The following ITGA8 variants were observed in gnomAD, a reference collection of about 807,000 sequenced individuals.
ITGA8 encodes integrin alpha-8.
Under a neutral mutation model 142.3 loss-of-function variants are expected in ITGA8, and 91 were observed. That is an observed-to-expected ratio of 0.64 (90% CI 0.54 to 0.76). The LOEUF (loss-of-function observed/expected upper bound fraction) is 0.76. ITGA8 is among the 30% of genes least tolerant of loss of function. ITGA8 has a pLI of 0.00. For missense variants in ITGA8, 1,406 were observed against 1,327.7 expected, an observed-to-expected ratio of 1.06 and a Z score of -0.92; for synonymous variants, 505 against 485.2, an observed-to-expected ratio of 1.04 and a Z score of -0.54.
chr10:15,591,451 G>T (rs1285508902), intron 22 of ITGA8, among the ~76,000 whole-genome samples: 1 of 133,908 alleles, frequency 7.5e-6, no homozygotes, highest in Non-Finnish European at 1.6e-5. Flanking sequence ...TATATTATAT[G>T]TTACTTTCCA....
At chr10:15,548,808 C>G (rs1435496283) in intron 26 of ITGA8, among the ~76,000 whole-genome samples, 1 of 152,200 alleles carries the variant, frequency 6.6e-6, no homozygotes, top group Admixed American at 6.5e-5. Flanking sequence ...GAGAATCTTT[C>G]TGCAGCAGCA....
chr10:15,630,748 A>G (rs1019896177), intron 13 of ITGA8, among the ~76,000 whole-genome samples: 1 of 151,996 alleles, frequency 6.6e-6, no homozygotes, highest in Non-Finnish European at 1.5e-5. Flanking sequence ...ATGCAGAGGG[A>G]GGGAAGAAAT....
chr10:15,623,055 T>C (rs7079006), intron 13 of ITGA8, among the ~76,000 whole-genome samples: 27,160 of 152,176 alleles, frequency 0.18, 3,032 homozygotes, highest in Admixed American at 0.29. Context: ...TGTATGACTA[T>C]GTGTACCGCT....
At chr10:15,636,711 G>A (rs1833777912) in intron 13 of ITGA8, among the ~76,000 whole-genome samples, 1 of 152,068 alleles carries the variant, frequency 6.6e-6, no homozygotes, top group Non-Finnish European at 1.5e-5. Context: ...ACACTGTTGT[G>A]TTAGTTCCTT....
chr10:15,571,198 T>A (rs1350287877), intron 25 of ITGA8, among the ~76,000 whole-genome samples: 1 of 152,180 alleles, frequency 6.6e-6, no homozygotes, highest in African/African-American at 2.4e-5. Flanking sequence ...TCCCTTTGAA[T>A]AGGAGGCATG....
At chr10:15,593,056 ATGGTTTT>A (rs1027416489) in intron 21 of ITGA8, among the ~76,000 whole-genome samples, 4 of 152,214 alleles carry the variant, frequency 2.6e-5, no homozygotes, top group African/African-American at 7.2e-5. Context: ...CACGTCAGCT[ATGGTTTT>A]TGGTTTTAAA....
intron 22 of ITGA8, among the ~76,000 whole-genome samples, chr10:15,590,099 A>T (rs1484302310): frequency 6.6e-6 from 1 of 152,152 alleles, no homozygotes; most frequent in African/African-American, 2.4e-5. Flanking sequence ...TGTATAATAC[A>T]TGTTTTGGGA....
At chr10:15,605,837 T>A (rs772946567) in intron 18 of ITGA8, 46 bp from the exon 19 acceptor site, 15 of 1,552,538 alleles carry the variant, frequency 9.7e-6, no homozygotes, top group Admixed American at 1.7e-5. Flanking sequence ...GAAAATCTGA[T>A]TCACATCCTT....
intron 13 of ITGA8, among the ~76,000 whole-genome samples, chr10:15,635,927 A>C (rs1027261991): frequency 1.3e-5 from 2 of 150,882 alleles, no homozygotes; most frequent in Non-Finnish European, 3.0e-5. Context: ...CTACACACAC[A>C]CACACACACA....
At chr10:15,606,950 G>A (rs1358993181) in intron 17 of ITGA8, among the ~76,000 whole-genome samples, 1 of 152,148 alleles carries the variant, frequency 6.6e-6, no homozygotes, top group African/African-American at 2.4e-5. Flanking sequence ...CTTTAGTAGA[G>A]AGGGGTAAGC....
intron 25 of ITGA8, among the ~76,000 whole-genome samples, chr10:15,560,811 G>A (rs1184092718): frequency 6.6e-6 from 1 of 152,116 alleles, no homozygotes; most frequent in African/African-American, 2.4e-5. Flanking sequence ...TCCTCAAAGT[G>A]TTAGAGTAGT....
Position 15,592,274 on chromosome 10 carries a change from G to A in ITGA8, c.2242C>T (p.Arg748Cys), listed in dbSNP as rs573999814. 3.2e-5 allele frequency: 52 copies of A among 1,613,654 alleles called. No homozygotes were observed. The East Asian group carries it at 6.9e-4, about 21-fold the overall frequency. ...ATGCTCATGTTTGTTTTCTCAAGAC[G>A]TGGAACTGCAAATCGGAGGCCCAGG... ...YSLGLRFAVP[R>C]LEKTNMSINF... Residue 748 changes from arginine (R) to cysteine (C), a missense_variant, in exon 22 of 30, where the codon CGT becomes TGT. Arg to Cys is a radical substitution (Grantham distance 180). Transcript: ENST00000378076.
At chr10:15,684,169 G>C (rs1050841369) in intron 3 of ITGA8, 42 bp from the exon 4 acceptor site, 8 of 1,587,104 alleles carry the variant, frequency 5.0e-6, no homozygotes, top group Non-Finnish European at 6.8e-6. Context: ...TTTGATGTAG[G>C]TTTCTCATAC....
At chr10:15,699,451 A>G (rs571183013) in intron 2 of ITGA8, among the ~76,000 whole-genome samples, 2 of 152,358 alleles carry the variant, frequency 1.3e-5, no homozygotes, top group African/African-American at 4.8e-5. Context: ...GAGTGAATGT[A>G]TAGAAAAACA....
intron 28 of ITGA8, among the ~76,000 whole-genome samples, chr10:15,524,416 T>C (rs1299573989): frequency 6.6e-6 from 1 of 152,220 alleles, no homozygotes; most frequent in Non-Finnish European, 1.5e-5. Flanking sequence ...TTTTTTCTGC[T>C]GCACTGTAAT....
chr10:15,593,665 CT>C (rs368673653), intron 21 of ITGA8, among the ~76,000 whole-genome samples: 65 of 152,226 alleles, frequency 4.3e-4, no homozygotes, highest in African/African-American at 1.6e-3. Flanking sequence ...TTCACCAGCC[CT>C]TGCCGAATGT....
Position 15,646,948 on chromosome 10 carries a change from G to A in ITGA8, c.1105C>T (p.Leu369Phe). 1.2e-6 allele frequency: 2 copies of A among 1,613,994 alleles called. No homozygotes were observed. The highest frequency in any genetic ancestry group is 8.5e-7 in the Non-Finnish European group (1 of 1,179,978). The change falls in exon 12 of 30, where the codon CTC (leucine) becomes TTC (phenylalanine). Residue 369 changes from leucine (L) to phenylalanine (F), a missense_variant. Leu to Phe is a conservative substitution (Grantham distance 22). Transcript: ENST00000378076. Reference sequence around the variant, plus strand: ...AGGATCTGGGGGTCTCTGAAGAGGAGAGAGCTCACTTGCAAATACAGGTAG... The same window carrying A: ...AGGATCTGGGGGTCTCTGAAGAGGAAAGAGCTCACTTGCAAATACAGGTAG... ...QIYLYLQVSSLLFRDPQILTG... is the reference protein window; with the variant it reads ...QIYLYLQVSSFLFRDPQILTG...
At position 15,604,374 on chromosome 10, in the gene ITGA8, A is replaced by T. The variant is rs201132524; in HGVS notation, c.1971-19T>A. 1.3e-6 allele frequency: 2 copies of T among 1,596,222 alleles called. No homozygotes were observed. Among genetic ancestry groups the T allele is most frequent in the Non-Finnish European group, 1.7e-6 (2 of 1,171,600 alleles). ...CTTATCTCTAAAAATGCAGTTTAAA[A>T]AGAAGGATTAGGTACTCTACTTCTT... On this transcript the variant is annotated intron_variant, in intron 19 of 29. Transcript: ENST00000378076.
chr10:15,629,704 A>G (rs561591582), intron 13 of ITGA8, among the ~76,000 whole-genome samples: 2 of 152,210 alleles, frequency 1.3e-5, no homozygotes, highest in African/African-American at 4.8e-5. Context: ...AGGCAGGTGG[A>G]TCACTTGAGG....
Sources: gnomAD v4.1 joint callset for allele counts (sites outside exome capture counted in the v4.1 genomes callset) on GRCh38, gnomAD v4.1.1 for gene constraint, MANE v1.5 for transcripts, NCBI Gene and HGNC (gene_info 2026-07-23, HGNC 2026-07-21) for gene names.